Variants in RBFOX1 observed in about 807,000 individuals in gnomAD.
RBFOX1 encodes the protein RNA binding fox-1 homolog 1.
A neutral mutation model predicts 57.7 loss-of-function variants in RBFOX1; 8 were observed. That is an observed-to-expected ratio of 0.14 (90% confidence interval 0.08 to 0.25). The LOEUF is 0.25. Ranked by LOEUF, RBFOX1 falls within the 10% of genes least tolerant of loss-of-function variation. The probability of loss-of-function intolerance (pLI) is 1.00; values close to 1 mark genes in which losing one functional copy is unlikely to be tolerated. For missense variants in RBFOX1, 611 were observed against 548.5 expected, an observed-to-expected ratio of 1.11 and a Z score of -1.14; for synonymous variants, 326 against 222.4, an observed-to-expected ratio of 1.47 and a Z score of -4.15.
chr16:5,558,220 G>T (rs2045753099), intron 2 of RBFOX1, among the ~76,000 whole-genome samples: 1 of 152,186 alleles, frequency 6.6e-6, no homozygotes, highest in Non-Finnish European at 1.5e-5. Context: ...TTGTGATAAG[G>T]CCGAGGGTCT....
chr16:6,364,859 A>T lies in RBFOX1; in HGVS notation c.-64+47802A>T, dbSNP rs58280290. Among the ~76,000 whole-genome samples the T allele has an allele frequency of 3.9e-3, 591 of 152,238 alleles. 4 individuals are homozygous for T. The highest frequency in any genetic ancestry group is 0.014 in the African/African-American group (572 of 41,558). On this transcript the variant is annotated intron_variant, in intron 2 of 15. Transcript: ENST00000550418. ...TAACTGAAGGCAAAGGGAATGTCAG[A>T]GTGGAGGAAATTCCCATCCTAGACT...
rs536380730 is a variant in RBFOX1, at chr16:5,984,804, CTT to C, written c.351+117470_351+117471del. Among the ~76,000 whole-genome samples, 168 of 151,940 alleles carry C rather than the reference CTT, an allele frequency of 1.1e-3. 1 individual carries two copies. Among genetic ancestry groups the C allele is most frequent in the African/African-American group, 3.9e-3 (162 of 41,426 alleles). The stretch of plus-strand genomic sequence containing the variant: ...TGGCCTTTTGCTCCTAGGCTACAAA[CTT>C]ATATGGCGTTTTTCTGTACTGAATA... On this transcript the variant is annotated intron_variant, in intron 4 of 19. Transcript: ENST00000641259.
At chr16:7,043,862 C>T (rs1203513362) in intron 3 of RBFOX1, among the ~76,000 whole-genome samples, 1 of 152,214 alleles carries the variant, frequency 6.6e-6, no homozygotes, top group Admixed American at 6.5e-5. Flanking sequence ...TTCCACACAT[C>T]CTCCTGCCTT....
intron 3 of RBFOX1, among the ~76,000 whole-genome samples, chr16:5,792,463 A>G (rs1041504858): frequency 9.9e-5 from 15 of 152,218 alleles, no homozygotes; most frequent in Admixed American, 6.5e-4. Flanking sequence ...GATAACATAA[A>G]CACTCACTGA....
chr16:5,601,905 G>T (rs2047377445), downstream of RBFOX1, among the ~76,000 whole-genome samples: 1 of 152,222 alleles, frequency 6.6e-6, no homozygotes, highest in African/African-American at 2.4e-5. Context: ...GTTGGGTCAG[G>T]TATTTCCTGG....
chr16:5,676,135 A>AT (rs1291971320), intron 3 of RBFOX1, among the ~76,000 whole-genome samples: 1 of 152,130 alleles, frequency 6.6e-6, no homozygotes, highest in Non-Finnish European at 1.5e-5. Context: ...CAAATACCTA[A>AT]TTCAAGCAGG....
chr16:6,622,686 C>G (rs1465421216), intron 2 of RBFOX1, among the ~76,000 whole-genome samples: 1 of 152,090 alleles, frequency 6.6e-6, no homozygotes, highest in African/African-American at 2.4e-5. Flanking sequence ...AATGAGTGAG[C>G]AATTTGTCCT....
chr16:6,425,676 G>C (rs1461458556), intron 2 of RBFOX1, among the ~76,000 whole-genome samples: 2 of 152,118 alleles, frequency 1.3e-5, no homozygotes, highest in African/African-American at 4.8e-5. Flanking sequence ...CTGTGGGGAA[G>C]ATTTGTATTG....
At chr16:5,802,078 GC>G (rs1880379088) in intron 3 of RBFOX1, among the ~76,000 whole-genome samples, 1 of 152,214 alleles carries the variant, frequency 6.6e-6, no homozygotes, top group South Asian at 2.1e-4. Flanking sequence ...TTCCTTGGAA[GC>G]AGACGTGTAA....
At chr16:7,588,873 A>G (rs377034245) in intron 7 of RBFOX1, among the ~76,000 whole-genome samples, 2 of 152,194 alleles carry the variant, frequency 1.3e-5, no homozygotes, top group Non-Finnish European at 2.9e-5. Flanking sequence ...AGAAAACCCC[A>G]GTATTTTCTC....
At chr16:5,726,287 C>G (rs774601856) in intron 3 of RBFOX1, among the ~76,000 whole-genome samples, 1 of 151,834 alleles carries the variant, frequency 6.6e-6, no homozygotes, top group Non-Finnish European at 1.5e-5. Flanking sequence ...GGGATGTATT[C>G]AGATAATTCA....
At chr16:5,869,272 G>A (rs866295231) in intron 4 of RBFOX1, among the ~76,000 whole-genome samples, 6 of 152,086 alleles carry the variant, frequency 3.9e-5, no homozygotes, top group Non-Finnish European at 7.4e-5. Context: ...TGAGACAGCT[G>A]TGTGTTTCCT....
intron 1 of RBFOX1, among the ~76,000 whole-genome samples, chr16:6,243,962 A>T (rs1215300043): frequency 6.6e-6 from 1 of 151,714 alleles, no homozygotes; most frequent in African/African-American, 2.4e-5. Context: ...AAGCCAGTAA[A>T]CTCCTTCTCA....
At chr16:6,608,316 C>T (rs1460263416) in intron 2 of RBFOX1, among the ~76,000 whole-genome samples, 1 of 152,136 alleles carries the variant, frequency 6.6e-6, no homozygotes, top group South Asian at 2.1e-4. Context: ...GGGGAAAAGC[C>T]TATCTTTTGA....
At chr16:6,012,609 A>G (rs1261588529) in intron 4 of RBFOX1, among the ~76,000 whole-genome samples, 1 of 152,258 alleles carries the variant, frequency 6.6e-6, no homozygotes, top group Non-Finnish European at 1.5e-5. Flanking sequence ...GCAATATGTC[A>G]TCTTCAACAA....
intron 2 of RBFOX1, among the ~76,000 whole-genome samples, chr16:5,560,209 G>T (rs769023953): frequency 6.6e-6 from 1 of 151,890 alleles, no homozygotes; most frequent in Non-Finnish European, 1.5e-5. Context: ...TAACTCCTGG[G>T]CATCTTTAGA....
intron 4 of RBFOX1, among the ~76,000 whole-genome samples, chr16:7,302,210 A>T (rs975341322): frequency 9.2e-5 from 14 of 152,194 alleles, no homozygotes; most frequent in Non-Finnish European, 4.4e-5. Flanking sequence ...GTTTTGCAAG[A>T]TGAAAAGTGG....
intron 2 of RBFOX1, among the ~76,000 whole-genome samples, chr16:6,325,220 A>G (rs962988104): frequency 1.3e-5 from 2 of 152,064 alleles, no homozygotes; most frequent in East Asian, 1.9e-4. Context: ...TTATCCAGGC[A>G]TGGTGGTGTG....
intron 4 of RBFOX1, among the ~76,000 whole-genome samples, chr16:7,504,497 C>G (rs1465287874): frequency 1.3e-5 from 2 of 150,412 alleles, no homozygotes; most frequent in Non-Finnish European, 2.9e-5. Context: ...GTGAATTGTT[C>G]CACCATAACT....
Sources: gnomAD v4.1 joint callset for allele counts (sites outside exome capture counted in the v4.1 genomes callset) on GRCh38, gnomAD v4.1.1 for gene constraint, MANE v1.5 for transcripts, NCBI Gene and HGNC (gene_info 2026-07-23, HGNC 2026-07-21) for gene names.